The following MRTFA variants were observed in gnomAD, a reference collection of about 807,000 sequenced individuals.
The protein encoded by MRTFA is myocardin-related transcription factor A.
Under a neutral mutation model 83.5 loss-of-function variants are expected in MRTFA, and 20 were observed. That is an observed-to-expected ratio of 0.24 (90% CI 0.17 to 0.35). The LOEUF is 0.35. Among genes scored for constraint, MRTFA ranks in the 10% least tolerant of loss-of-function variants. The pLI, the probability that MRTFA is intolerant of heterozygous loss-of-function variation, is 1.00. For missense variants in MRTFA, 1,200 were observed against 1,224.7 expected (o/e 0.98, Z 0.30); for synonymous variants, 659 against 541.2 (o/e 1.22, Z -3.02).
intron 4 of MRTFA, among the ~76,000 whole-genome samples, chr22:40,448,436 T>A (rs910710286): frequency 6.6e-6 from 1 of 152,174 alleles, no homozygotes; most frequent in African/African-American, 2.4e-5. Context: ...ATCACACCAC[T>A]GCACTCCAGC....
intron 1 of MRTFA, among the ~76,000 whole-genome samples, chr22:40,612,813 T>G (rs1054430084): frequency 6.6e-6 from 1 of 152,126 alleles, no homozygotes; most frequent in African/African-American, 2.4e-5. Flanking sequence ...TAGCTGGGTA[T>G]AGTGGTGCAT....
rs894548892 is a variant in MRTFA at position 40,570,577 on chromosome 22, CAAAAAAAAAAAAA to C, written c.-21-18223_-21-18211del. 2.3e-3 allele frequency among the ~76,000 whole-genome samples: 54 copies of C among 23,152 alleles called. 1 individual carries two copies. The highest frequency in any genetic ancestry group is 7.1e-3 in the African/African-American group (35 of 4,942). The allele number at this position is 23,152 out of a possible 152,430, so 15.2% of individuals were successfully genotyped here. A position where few individuals can be genotyped will look rare whatever the true frequency, so the allele number is the denominator to read the frequency against. On this transcript the variant is annotated intron_variant, in intron 2 of 14. Coordinates refer to ENST00000355630, the MANE Select transcript of MRTFA (RefSeq NM_020831.6). ...TAGGCGACAGAGCGAGACTCTGTCT[CAAAAAAAAAAAAA>C]AAAAAAAAAAAAAAAGAATTGGGTA...
At chr22:40,467,337 T>G (rs2053827362) in intron 3 of MRTFA, among the ~76,000 whole-genome samples, 1 of 152,212 alleles carries the variant, frequency 6.6e-6, no homozygotes, top group Admixed American at 6.5e-5. Context: ...GTTTTATAAT[T>G]TATCTGCTTT....
rs548343805 is a variant in MRTFA, at chr22:40,593,453, A to G, written c.-22+1221T>C. On this transcript the variant is annotated intron_variant, in intron 2 of 14. Transcript: ENST00000355630. ...CCTTTCTTTACTTTCCATTAATTTT[A>G]TCACACAGTATTTCCATGGAATAGT... 4.6e-5 allele frequency among the ~76,000 whole-genome samples: 7 copies of G among 152,332 alleles called. No homozygotes were observed. The East Asian group carries it at 1.2e-3, about 25-fold the overall frequency.
chr22:40,436,331 A>C (rs1351204246), intron 4 of MRTFA: 1 of 154,390 alleles, frequency 6.5e-6, no homozygotes, highest in Non-Finnish European at 1.5e-5. Flanking sequence ...AACTGTTTCA[A>C]TGGGACAGTT....
At chr22:40,614,262 T>A (rs895378044) in intron 1 of MRTFA, among the ~76,000 whole-genome samples, 3 of 151,342 alleles carry the variant, frequency 2.0e-5, no homozygotes, top group African/African-American at 7.3e-5. Context: ...AAATTTTATG[T>A]TAGCCAGGCA....
chr22:40,453,728 T>TA lies in MRTFA; in HGVS notation c.307+9492dup, dbSNP rs957726227. Among the ~76,000 whole-genome samples, 617 of 148,656 alleles carry TA rather than the reference T, an allele frequency of 4.2e-3. 4 individuals carry two copies. Among genetic ancestry groups the TA allele is most frequent in the African/African-American group, 0.013 (540 of 40,584 alleles). Reference sequence around the variant, plus strand: ...TTTTCTTGAAACCTACAATTTTAGTTAAAAAAAAAAATTGTTAAAAAAAAT... The same window carrying TA: ...TTTTCTTGAAACCTACAATTTTAGTTAAAAAAAAAAAATTGTTAAAAAAAAT... On this transcript the variant is annotated intron_variant, in intron 4 of 14. Transcript: ENST00000355630.
At chr22:40,633,549 T>C (rs1423702870) in intron 1 of MRTFA, among the ~76,000 whole-genome samples, 3 of 152,206 alleles carry the variant, frequency 2.0e-5, no homozygotes, top group Non-Finnish European at 4.4e-5. Context: ...TATACCTGTT[T>C]AACAAAGTTA....
intron 2 of MRTFA, among the ~76,000 whole-genome samples, chr22:40,563,256 A>G (rs5758008): frequency 0.27 from 41,055 of 151,808 alleles, 7,163 homozygotes; most frequent in East Asian, 0.63. Flanking sequence ...ATCCCCTTCG[A>G]ATGGGCTAGG....
At chr22:40,587,630 T>C (rs973294268) in intron 2 of MRTFA, 4 of 301,784 alleles carry the variant, frequency 1.3e-5, no homozygotes, top group African/African-American at 2.3e-5. Flanking sequence ...GGAGAACAGA[T>C]AGCATATTGT....
Position 40,430,209 on chromosome 22 carries a change from T to C in MRTFA, c.440-442A>G, listed in dbSNP as rs144039776. 5.8e-3 allele frequency among the ~76,000 whole-genome samples: 886 copies of C among 152,294 alleles called. 9 individuals carry two copies. Among genetic ancestry groups the C allele is most frequent in the African/African-American group, 0.021 (862 of 41,556 alleles). The stretch of plus-strand genomic sequence containing the variant: ...AACAGCTCAAAACTAGACAAACGGC[T>C]GGGCGTGGTGGCTCACGCTTGTAAT... On this transcript the variant is annotated intron_variant, in intron 6 of 14. Coordinates refer to ENST00000355630, the MANE Select transcript of MRTFA (RefSeq NM_020831.6).
intron 2 of MRTFA, among the ~76,000 whole-genome samples, chr22:40,562,308 G>T (rs906963592): frequency 1.3e-5 from 2 of 151,460 alleles, no homozygotes; most frequent in South Asian, 4.2e-4. Context: ...ACACCAAGGT[G>T]CCAGGCATAT....
rs977779369 is a variant in MRTFA, at chr22:40,427,866, G to C, written c.601+1740C>G. On this transcript the variant is annotated intron_variant, in intron 7 of 14. Transcript: ENST00000355630. Reference sequence around the variant, plus strand: ...CCATCCACCAACCTCCAGGAAAGTGGGGGTGGGTATGTAGGACATAGAGTG... The same window carrying C: ...CCATCCACCAACCTCCAGGAAAGTGCGGGTGGGTATGTAGGACATAGAGTG... Among the ~76,000 whole-genome samples, 3 of 152,156 alleles carry C rather than the reference G, an allele frequency of 2.0e-5. No homozygotes were observed. In the East Asian group the frequency reaches 5.8e-4, roughly 29 times the overall value.
chr22:40,410,776 C>CA lies in MRTFA; in HGVS notation c.*613_*614insT, dbSNP rs559670352. 5.2e-5 allele frequency: 12 copies of CA among 231,062 alleles called. No homozygotes were observed. The South Asian group carries it at 2.2e-3, about 42-fold the overall frequency. The allele number at this position is 231,062 out of a possible 1,614,324, so 14.3% of individuals were successfully genotyped here. A position where few individuals can be genotyped will look rare whatever the true frequency, so the allele number is the denominator to read the frequency against. On this transcript the variant is annotated 3_prime_UTR_variant, in exon 15 of 15. Coordinates refer to ENST00000355630, the MANE Select transcript of MRTFA (RefSeq NM_020831.6). ...GAGGGAGTTGCACCCATCTCCTGTC[C>CA]GCCCCCCCCCAAAAATATATATGTA...
intron 3 of MRTFA, chr22:40,522,218 CAG>C (rs1007096917): frequency 1.1e-4 from 16 of 151,998 alleles, no homozygotes; most frequent in African/African-American, 3.9e-4. Flanking sequence ...TTATTTAAAC[CAG>C]AGTTAGAAAA....
chr22:40,519,749 G>C (rs999208713), intron 3 of MRTFA: 2 of 465,296 alleles, frequency 4.3e-6, no homozygotes, highest in African/African-American at 4.1e-5. Context: ...AAACGCCTAA[G>C]AGCAAAGTCT....
chr22:40,619,606 T>C (rs1382022563), intron 1 of MRTFA, among the ~76,000 whole-genome samples: 2 of 151,954 alleles, frequency 1.3e-5, no homozygotes, highest in South Asian at 2.1e-4. Flanking sequence ...CAAAAAGAAA[T>C]TGGCCGGGTG....
chr22:40,615,604 A>G (rs1427680482), intron 1 of MRTFA, among the ~76,000 whole-genome samples: 1 of 151,924 alleles, frequency 6.6e-6, no homozygotes, highest in East Asian at 1.9e-4. Flanking sequence ...CAGATGGTAT[A>G]TCTCCACTTA....
chr22:40,614,850 T>C (rs115308403), intron 1 of MRTFA, among the ~76,000 whole-genome samples: 1 of 152,326 alleles, frequency 6.6e-6, no homozygotes, highest in African/African-American at 2.4e-5. Context: ...ATTGGGCCAT[T>C]TGTCATATTA....
Sources: gnomAD v4.1 joint callset for allele counts (sites outside exome capture counted in the v4.1 genomes callset) on GRCh38, gnomAD v4.1.1 for gene constraint, MANE v1.5 for transcripts, NCBI Gene and HGNC (gene_info 2026-07-23, HGNC 2026-07-21) for gene names.